The following PDCD11 variants were observed in gnomAD, a reference collection of about 807,000 sequenced individuals.
PDCD11 encodes the protein programmed cell death 11.
Under a neutral mutation model 198.9 loss-of-function variants are expected in PDCD11, and 97 were observed. The observed-to-expected ratio is 0.49, with a 90% confidence interval of 0.41 to 0.58. The LOEUF is 0.58. Ranked by LOEUF, PDCD11 falls within the 20% of genes least tolerant of loss-of-function variation. PDCD11 has a pLI of 0.00. For missense variants in PDCD11, 2,102 were observed against 2,312.7 expected, an observed-to-expected ratio of 0.91 and a Z score of 1.87; for synonymous variants, 893 against 918.0, an observed-to-expected ratio of 0.97 and a Z score of 0.49.
At chr10:103,430,033 C>T (rs1364382367) in intron 21 of PDCD11, among the ~76,000 whole-genome samples, 1 of 152,130 alleles carries the variant, frequency 6.6e-6, no homozygotes, top group African/African-American at 2.4e-5. Context: ...CTCTGTCACC[C>T]AGGCTGGAGT....
chr10:103,399,107 GTTT>G (rs71019680), intron 2 of PDCD11, among the ~76,000 whole-genome samples: 2 of 125,994 alleles, frequency 1.6e-5, no homozygotes, highest in Non-Finnish European at 1.7e-5. Context: ...AGAGGAAGCA[GTTT>G]TTTTTTTTTT....
chr10:103,413,233 G>A lies in PDCD11; in HGVS notation c.1096G>A (p.Ala366Thr), dbSNP rs746527752. 6.2e-7 allele frequency: 1 copy of A among 1,614,122 alleles called. No homozygotes were observed. The highest frequency in any genetic ancestry group is 2.2e-5 in the East Asian group (1 of 44,888). ...LTRLSCQNLG[A>T]VLDDVPVQGF... is the part of the protein sequence containing the mutation. ...CCGACTCTCTTGCCAGAACCTTGGA[G>A]CAGTGCTGGATGATGTTCCTGTCCA... Residue 366 changes from alanine to threonine, a missense_variant, in exon 9 of 36, where the codon GCA becomes ACA. By Grantham distance (58) the Ala-to-Thr change is moderately conservative. Coordinates refer to ENST00000369797, the MANE Select transcript of PDCD11 (RefSeq NM_014976.2).
In PDCD11 at chr10:103,419,723, A is replaced by G. The variant is rs547275789; in HGVS notation, c.2277+15A>G. ...CCCCAAAAGCTGTAAGTTCAACTCC[A>G]TGTACAAGGGCTTTGAGGAGAGATA... On this transcript the variant is annotated intron_variant, in intron 16 of 35. Transcript: ENST00000369797. The G allele has an allele frequency of 6.2e-6, 10 of 1,612,490 alleles. No individual in the cohort carries two copies. In the East Asian group the frequency reaches 1.8e-4, roughly 29 times the overall value.
At chr10:103,407,022 C>T (rs2030497354) in intron 7 of PDCD11, among the ~76,000 whole-genome samples, 1 of 152,176 alleles carries the variant, frequency 6.6e-6, no homozygotes, top group South Asian at 2.1e-4. Flanking sequence ...TAAAATGTGA[C>T]TGCTAGAAAA....
At chr10:103,426,678 C>T (rs956960550) in intron 20 of PDCD11, among the ~76,000 whole-genome samples, 1 of 151,392 alleles carries the variant, frequency 6.6e-6, no homozygotes, top group South Asian at 2.1e-4. Context: ...CCCAGCTACT[C>T]GGGAAGCTGA....
chr10:103,440,351 G>C lies in PDCD11; in HGVS notation c.4210G>C (p.Asp1404His). The change falls in exon 29 of 36, where the codon GAC becomes CAC. Residue 1404 changes from aspartate (D) to histidine (H), a missense_variant. Transcript: ENST00000369797. ...CCTCCCCGGAGACACTGGGAAGCCA[G>C]ACGTGCTTTCTGCTTCCTTGGAAGG... ...SFLPGDTGKP[D>H]VLSASLEGQL... 1.9e-6 allele frequency: 3 copies of C among 1,614,232 alleles called. No homozygotes were observed. Among genetic ancestry groups the C allele is most frequent in the Non-Finnish European group, 1.7e-6 (2 of 1,180,038 alleles).
intron 15 of PDCD11, 98 bp from the exon 16 acceptor site, chr10:103,419,440 C>T (rs1469736053): frequency 1.5e-6 from 2 of 1,304,552 alleles, no homozygotes; most frequent in Non-Finnish European, 2.1e-6. Context: ...CAGCAGAGAT[C>T]AGCCTGCAGT....
At chr10:103,414,143 C>CAT (rs1189501992) in intron 10 of PDCD11, 53 bp downstream of exon 10, 1 of 1,586,220 alleles carries the variant, frequency 6.3e-7, no homozygotes, top group East Asian at 2.2e-5. Flanking sequence ...TGTACATGTT[C>CAT]ATATTCCATT....
Position 103,434,836 on chromosome 10 carries a change from C to T in PDCD11, c.3706C>T (p.Arg1236Ter), listed in dbSNP as rs748425835. 1 of 1,611,672 alleles carries T rather than the reference C, an allele frequency of 6.2e-7. No individual in the cohort carries two copies. Among genetic ancestry groups the T allele is most frequent in the Non-Finnish European group, 8.5e-7 (1 of 1,178,986 alleles). The change falls in exon 25 of 36, where the codon CGA becomes TGA. Residue 1236 changes from arginine to a stop codon, truncating the protein, a stop_gained. Coordinates refer to ENST00000369797, the MANE Select transcript of PDCD11 (RefSeq NM_014976.2). LOFTEE classifies it high-confidence loss of function. ...TGAGGAAGGGGAAGTGGCCATGGGCCGAGTGGTGAAGGTGACTCCCAACGA... is the reference window on the plus strand; with the variant it reads ...TGAGGAAGGGGAAGTGGCCATGGGCTGAGTGGTGAAGGTGACTCCCAACGA... Reference protein sequence around the residue: ...KLEEGEVAMGRVVKVTPNEGL... With the variant: ...KLEEGEVAMG
chr10:103,443,143 G>T, intron 32 of PDCD11, 22 bp from the exon 33 acceptor site: 7 of 1,556,148 alleles, frequency 4.5e-6, no homozygotes, highest in Non-Finnish European at 5.2e-6. Context: ...TGGCGCTCAT[G>T]TGCTGACTGC....
At chr10:103,408,053 T>C (rs1380016580) in intron 7 of PDCD11, among the ~76,000 whole-genome samples, 2 of 152,104 alleles carry the variant, frequency 1.3e-5, no homozygotes, top group Non-Finnish European at 2.9e-5. Flanking sequence ...TCCCTTGGAG[T>C]TGGCAGTCAG....
rs1440009481 is a variant in PDCD11 at position 103,400,507 on chromosome 10, GT to G, written c.216del (p.Phe72LeufsTer19). ...AAAGCAGCAAGTCCGCAAGAGAGAA[GT>G]TTGAAATCCTTAGTGTTGAGGTTTG... ...RESSKSAREK[F>X]EILSVESLCE... On this transcript the variant is annotated frameshift_variant, in exon 3 of 36. Coordinates refer to ENST00000369797, the MANE Select transcript of PDCD11 (RefSeq NM_014976.2). LOFTEE classifies it high-confidence loss of function. 1.2e-6 allele frequency: 2 copies of G among 1,613,820 alleles called. No homozygotes were observed. The highest frequency in any genetic ancestry group is 2.7e-5 in the African/African-American group (2 of 74,904).
At chr10:103,401,037 G>A (rs2030010530) in intron 3 of PDCD11, among the ~76,000 whole-genome samples, 1 of 152,096 alleles carries the variant, frequency 6.6e-6, no homozygotes, top group Non-Finnish European at 1.5e-5. Flanking sequence ...TTATAGACAT[G>A]AGCTACCCAC....
Position 103,418,498 on chromosome 10 carries a change from C to T in PDCD11, c.1970C>T (p.Pro657Leu), listed in dbSNP as rs1308544790. ...TKDGLEVAVL[P>L]HNIRAFLPTS... ...GATGGGCTGGAGGTGGCTGTCCTGC[C>T]CCACAACATCCGTGCTTTCCTCCCC... The change falls in exon 15 of 36, where the codon CCC becomes CTC. Residue 657 changes from proline to leucine, a missense_variant. Coordinates refer to ENST00000369797, the MANE Select transcript of PDCD11 (RefSeq NM_014976.2). The T allele has an allele frequency of 9.9e-6, 16 of 1,614,124 alleles. No individual in the cohort carries two copies. Among genetic ancestry groups the T allele is most frequent in the South Asian group, 5.5e-5 (5 of 91,080 alleles).
intron 21 of PDCD11, among the ~76,000 whole-genome samples, chr10:103,428,683 T>C (rs2031801916): frequency 1.3e-5 from 2 of 152,208 alleles, no homozygotes; most frequent in South Asian, 4.1e-4. Flanking sequence ...GTGAACTCTG[T>C]GGGAACACTG....
intron 9 of PDCD11, 108 bp downstream of exon 9, chr10:103,413,430 T>G: frequency 1.2e-6 from 1 of 864,782 alleles, no homozygotes; most frequent in Non-Finnish European, 1.8e-6. Flanking sequence ...TTAAAATTTT[T>G]GGATATTGTA....
intron 7 of PDCD11, among the ~76,000 whole-genome samples, chr10:103,407,307 A>AT (rs1272391662): frequency 4.0e-5 from 6 of 151,854 alleles, no homozygotes; most frequent in Admixed American, 3.9e-4. Context: ...AAATATATAT[A>AT]TTTTCCTAGC....
At position 103,434,020 on chromosome 10, in the gene PDCD11, A is replaced by T. The variant is rs1343449483; in HGVS notation, c.3547A>T (p.Thr1183Ser). The T allele has an allele frequency of 3.7e-6, 6 of 1,613,514 alleles. No individual in the cohort carries two copies. Among genetic ancestry groups the T allele is most frequent in the Non-Finnish European group, 4.2e-6 (5 of 1,179,556 alleles). The change falls in exon 23 of 36, where the codon ACT becomes TCT. Residue 1183 changes from threonine (T) to serine (S), a missense_variant. Coordinates refer to ENST00000369797, the MANE Select transcript of PDCD11 (RefSeq NM_014976.2). The stretch of plus-strand genomic sequence containing the variant: ...CCGGGGGAGAATTCCCTTATTGCTC[A>T]CTTCTCTGAGCTTCAAGGTCAGTGT... Reference protein sequence around the residue: ...DIRGRIPLLLTSLSFKVLKHP... With the variant: ...DIRGRIPLLLSSLSFKVLKHP...
In PDCD11 at chr10:103,421,896, A is replaced by G. The variant is rs1363127037; in HGVS notation, c.2497+329A>G. Among the ~76,000 whole-genome samples, 132 of 147,074 alleles carry G rather than the reference A, an allele frequency of 9.0e-4. 2 individuals carry two copies. Among genetic ancestry groups the G allele is most frequent in the African/African-American group, 3.2e-3 (128 of 39,770 alleles). ...GCAGGAGAATGGCGTGAACCCGGGA[A>G]GCGGAGCTTGCAGTGAGCCGAGATT... On this transcript the variant is annotated intron_variant, in intron 17 of 35. Transcript: ENST00000369797.
Sources: gnomAD v4.1 joint callset for allele counts (sites outside exome capture counted in the v4.1 genomes callset) on GRCh38, gnomAD v4.1.1 for gene constraint, MANE v1.5 for transcripts, NCBI Gene and HGNC (gene_info 2026-07-23, HGNC 2026-07-21) for gene names.